The following NEGR1 variants were observed in gnomAD, a reference collection of about 807,000 sequenced individuals.
NEGR1 encodes the protein IgLON family member 4.
A neutral mutation model predicts 40.9 loss-of-function variants in NEGR1; 10 were observed. The observed-to-expected ratio is 0.24, with a 90% CI of 0.15 to 0.42. The LOEUF is 0.42. Ranked by LOEUF, NEGR1 falls within the 10% of genes least tolerant of loss-of-function variation. The pLI, the probability that NEGR1 is intolerant of heterozygous loss-of-function variation, is 1.00. For missense variants in NEGR1, 352 were observed against 438.9 expected, an observed-to-expected ratio of 0.80 and a Z score of 1.77; for synonymous variants, 185 against 166.8, an observed-to-expected ratio of 1.11 and a Z score of -0.84.
intron 6 of NEGR1, chr1:71,463,374 G>C (rs1228249871): frequency 6.6e-6 from 1 of 152,096 alleles, no homozygotes; most frequent in African/African-American, 2.4e-5. Context: ...AAGGTCAAAT[G>C]ACTCACTTTG....
intron 1 of NEGR1, among the ~76,000 whole-genome samples, chr1:72,201,300 A>G (rs1262668026): frequency 2.0e-5 from 3 of 150,846 alleles, no homozygotes; most frequent in African/African-American, 7.3e-5. Context: ...TATAAAAAAT[A>G]ATTTTTTTAT....
intron 2 of NEGR1, among the ~76,000 whole-genome samples, chr1:71,876,497 C>T (rs1660434178): frequency 6.7e-6 from 1 of 149,134 alleles, no homozygotes; most frequent in Non-Finnish European, 1.5e-5. Flanking sequence ...TAGAGTGAGA[C>T]CCTGTCTGAA....
chr1:71,607,780 G>A (rs879600132), intron 5 of NEGR1, among the ~76,000 whole-genome samples: 4 of 151,988 alleles, frequency 2.6e-5, no homozygotes, highest in Non-Finnish European at 4.4e-5. Context: ...TGTAATCTCC[G>A]CCTCCTGGGT....
intron 1 of NEGR1, among the ~76,000 whole-genome samples, chr1:72,232,121 T>C (rs1654385119): frequency 6.6e-6 from 1 of 151,958 alleles, no homozygotes; most frequent in Admixed American, 6.6e-5. Flanking sequence ...TTTGGGAGGC[T>C]GAGGCGGGCG....
At chr1:71,660,127 T>C (rs1160651384) in intron 4 of NEGR1, among the ~76,000 whole-genome samples, 1 of 152,162 alleles carries the variant, frequency 6.6e-6, no homozygotes, top group African/African-American at 2.4e-5. Context: ...CATAATATCA[T>C]GGAACACTAT....
chr1:71,499,775 A>G (rs574838757), intron 6 of NEGR1, among the ~76,000 whole-genome samples: 3 of 152,012 alleles, frequency 2.0e-5, no homozygotes, highest in Non-Finnish European at 4.4e-5. Flanking sequence ...GATCTAGTGC[A>G]ATCTATTGTG....
intron 1 of NEGR1, among the ~76,000 whole-genome samples, chr1:71,947,728 A>T (rs1278956244): frequency 1.3e-5 from 2 of 152,104 alleles, no homozygotes; most frequent in African/African-American, 4.8e-5. Flanking sequence ...AGGAAGTAGG[A>T]ACCAGAACCA....
intron 1 of NEGR1, among the ~76,000 whole-genome samples, chr1:72,085,532 T>TA (rs1648185609): frequency 6.6e-6 from 1 of 152,234 alleles, no homozygotes; most frequent in South Asian, 2.1e-4. Flanking sequence ...TTTGTTCTTT[T>TA]AATCAGTTCT....
intron 1 of NEGR1, among the ~76,000 whole-genome samples, chr1:72,192,177 G>T (rs1652842272): frequency 6.6e-6 from 1 of 151,822 alleles, no homozygotes; most frequent in African/African-American, 2.4e-5. Flanking sequence ...AAAATGCAGG[G>T]TGCTGAGCAG....
chr1:72,201,345 T>C (rs937319322), intron 1 of NEGR1, among the ~76,000 whole-genome samples: 1 of 151,410 alleles, frequency 6.6e-6, no homozygotes, highest in African/African-American at 2.4e-5. Flanking sequence ...TTATTTTACA[T>C]CATATTTACA....
At chr1:71,553,874 T>C (rs930229368) in intron 6 of NEGR1, among the ~76,000 whole-genome samples, 1 of 151,184 alleles carries the variant, frequency 6.6e-6, no homozygotes, top group Non-Finnish European at 1.5e-5. Flanking sequence ...TAATTACACT[T>C]AAGTACAAAA....
chr1:72,014,968 G>T (rs1400581951), intron 1 of NEGR1, among the ~76,000 whole-genome samples: 1 of 152,022 alleles, frequency 6.6e-6, no homozygotes, highest in Admixed American at 6.6e-5. Context: ...GGTTGTCATT[G>T]AAATTGTATT....
chr1:71,997,606 A>G (rs1646516398), intron 1 of NEGR1, among the ~76,000 whole-genome samples: 1 of 151,970 alleles, frequency 6.6e-6, no homozygotes, highest in Non-Finnish European at 1.5e-5. Flanking sequence ...GACAGAAACA[A>G]CACTATTTTT....
chr1:71,851,598 GA>G (rs2101813335), intron 2 of NEGR1, among the ~76,000 whole-genome samples: 1 of 152,224 alleles, frequency 6.6e-6, no homozygotes, highest in East Asian at 1.9e-4. Context: ...TAGTAAAAGA[GA>G]TTTTTAATGC....
chr1:72,185,494 C>T (rs1174338715), intron 1 of NEGR1, among the ~76,000 whole-genome samples: 4 of 151,812 alleles, frequency 2.6e-5, no homozygotes, highest in African/African-American at 4.8e-5. Context: ...ACAATAAGGG[C>T]TGCCTTTTCC....
intron 1 of NEGR1, among the ~76,000 whole-genome samples, chr1:72,019,584 C>G (rs1646739755): frequency 6.6e-6 from 1 of 152,130 alleles, no homozygotes; most frequent in Non-Finnish European, 1.5e-5. Context: ...TGATTTCAAC[C>G]AAGTAGAAAC....
At chr1:72,078,444 C>A (rs1647843375) in intron 1 of NEGR1, among the ~76,000 whole-genome samples, 2 of 152,006 alleles carry the variant, frequency 1.3e-5, no homozygotes, top group South Asian at 2.1e-4. Flanking sequence ...CACACACATA[C>A]AAACACTCTA....
chr1:71,785,318 G>T (rs556221558), intron 2 of NEGR1, among the ~76,000 whole-genome samples: 5 of 152,084 alleles, frequency 3.3e-5, no homozygotes, highest in Non-Finnish European at 5.9e-5. Context: ...GAAGAACACC[G>T]CAATTGAAAT....
intron 1 of NEGR1, among the ~76,000 whole-genome samples, chr1:72,063,326 T>C (rs562934144): frequency 1.3e-5 from 2 of 151,894 alleles, no homozygotes; most frequent in Non-Finnish European, 2.9e-5. Context: ...ACCTATTAGG[T>C]TGGTGAAAAA....
Sources: allele counts gnomAD v4.1 joint callset (sites outside exome capture counted in the v4.1 genomes callset), GRCh38; gene constraint gnomAD v4.1.1; transcripts MANE v1.5; gene names NCBI Gene and HGNC (gene_info 2026-07-23, HGNC 2026-07-21).